PTGER2: variants seen among roughly 807,000 people sequenced by gnomAD.
The protein encoded by PTGER2 is prostaglandin E receptor 2.
In PTGER2, 22 loss-of-function variants were observed where a neutral mutation model predicts 26.2. The ratio of observed to expected loss-of-function variants is 0.84; its 90% CI spans 0.60 to 1.20. PTGER2 has a LOEUF of 1.20. Ranked by LOEUF, PTGER2 falls within the 50% of genes most tolerant of loss-of-function variation. PTGER2 has a pLI of 0.00. For missense variants in PTGER2, 458 were observed against 475.2 expected, an observed-to-expected ratio of 0.96 and a Z score of 0.34; for synonymous variants, 219 against 208.9, an observed-to-expected ratio of 1.05 and a Z score of -0.42.
rs2033958372 is a variant in PTGER2 at position 52,327,123 on chromosome 14, T to A, written c.844-98T>A. On this transcript the variant is annotated intron_variant, in intron 1 of 1. Coordinates refer to ENST00000245457, the MANE Select transcript of PTGER2 (RefSeq NM_000956.4). ...CCCCACCACTACCACAGACAAAACA[T>A]GGTTTTGCTTTTAAATCTCAAGACA... is the stretch of plus-strand genomic sequence containing the variant. 3.5e-6 allele frequency: 3 copies of A among 868,268 alleles called. No individual in the cohort carries two copies. The Admixed American group carries it at 8.3e-5, about 24-fold the overall frequency. The allele number at this position is 868,268 out of a possible 1,614,324, so 53.8% of individuals were successfully genotyped here.
At chr14:52,325,917 A>G (rs1477482236) in intron 1 of PTGER2, among the ~76,000 whole-genome samples, 1 of 152,224 alleles carries the variant, frequency 6.6e-6, no homozygotes, top group Non-Finnish European at 1.5e-5. Flanking sequence ...TACTCAGAGA[A>G]GGGAAACAAG....
chr14:52,324,202 GAC>G (rs1287576725), intron 1 of PTGER2, among the ~76,000 whole-genome samples: 1 of 152,148 alleles, frequency 6.6e-6, no homozygotes, highest in Non-Finnish European at 1.5e-5. Flanking sequence ...AGACATGGTG[GAC>G]CACTCAGGGC....
chr14:52,323,566 T>G, intron 1 of PTGER2, among the ~76,000 whole-genome samples: 1 of 152,182 alleles, frequency 6.6e-6, no homozygotes, highest in South Asian at 2.1e-4. Context: ...TTTTTAAAGC[T>G]CCTCAGGTGA....
chr14:52,318,868 T>A (rs1594636959), intron 1 of PTGER2, among the ~76,000 whole-genome samples: 1 of 152,376 alleles, frequency 6.6e-6, no homozygotes, highest in East Asian at 1.9e-4. Flanking sequence ...TATGTCATTA[T>A]TATCGACCAC....
At chr14:52,323,611 T>C (rs1313672874) in intron 1 of PTGER2, among the ~76,000 whole-genome samples, 1 of 152,214 alleles carries the variant, frequency 6.6e-6, no homozygotes, top group African/African-American at 2.4e-5. Context: ...CCTCATTTGC[T>C]CTAAAATTCT....
At position 52,314,652 on chromosome 14, in the gene PTGER2, G is replaced by C. The variant is rs2033813844; in HGVS notation, c.104G>C (p.Gly35Ala). 6.6e-7 allele frequency: 1 copy of C among 1,516,920 alleles called. No individual in the cohort carries two copies. The highest frequency in any genetic ancestry group is 1.3e-5 in the South Asian group (1 of 75,688). 94.0% of individuals were successfully genotyped at this position (1,516,920 alleles called of 1,614,324 possible). Residue 35 changes from glycine (G) to alanine (A), a missense_variant, in exon 1 of 2, where the codon GGG becomes GCG. By Grantham distance (60) the Gly-to-Ala change is moderately conservative. Transcript: ENST00000245457. This position sits in a 1 kb window ranked among gnomAD's most constrained non-coding sequence, Gnocchi z 5.7. ...PAISSVMFSA[G>A]VLGNLIALAL... ...ATCAGCTCCGTCATGTTCTCGGCCGGGGTGCTGGGGAACCTCATAGCACTG... is the reference window on the plus strand; with the variant it reads ...ATCAGCTCCGTCATGTTCTCGGCCGCGGTGCTGGGGAACCTCATAGCACTG...
chr14:52,314,633 T>C lies in PTGER2; in HGVS notation c.85T>C (p.Ser29Pro). 1 of 1,514,148 alleles carries C rather than the reference T, an allele frequency of 6.6e-7. No individual in the cohort carries two copies. The highest frequency in any genetic ancestry group is 8.8e-7 in the Non-Finnish European group (1 of 1,130,928). The allele number at this position is 1,514,148 out of a possible 1,614,324, so 93.8% of individuals were successfully genotyped here. ...CCCAGGCGAAAGCCCAGCCATCAGCTCCGTCATGTTCTCGGCCGGGGTGCT... is the reference window on the plus strand; with the variant it reads ...CCCAGGCGAAAGCCCAGCCATCAGCCCCGTCATGTTCTCGGCCGGGGTGCT... ...LPPGESPAIS[S>P]VMFSAGVLGN... The change falls in exon 1 of 2, where the codon TCC becomes CCC. Residue 29 changes from serine to proline, a missense_variant. Coordinates refer to ENST00000245457, the MANE Select transcript of PTGER2 (RefSeq NM_000956.4). This position sits in a 1 kb window ranked among gnomAD's most constrained non-coding sequence, Gnocchi z 5.7.
chr14:52,314,600 T>C lies in PTGER2; in HGVS notation c.52T>C (p.Trp18Arg), dbSNP rs770164807. 15 of 1,509,754 alleles carry C rather than the reference T, an allele frequency of 9.9e-6. No individual in the cohort carries two copies. Among genetic ancestry groups the C allele is most frequent in the Middle Eastern group, 1.8e-4 (1 of 5,562 alleles). 93.5% of individuals were successfully genotyped at this position (1,509,754 alleles called of 1,614,324 possible). ...SQSEDCETRQWLPPGESPAIS... is the reference protein window; with the variant it reads ...SQSEDCETRQRLPPGESPAIS... ...GTCTGAGGACTGCGAGACGCGACAG[T>C]GGCTTCCCCCAGGCGAAAGCCCAGC... is the stretch of plus-strand genomic sequence containing the variant. Residue 18 changes from tryptophan to arginine, a missense_variant, in exon 1 of 2, where the codon TGG (tryptophan) becomes CGG (arginine). Transcript: ENST00000245457. This position sits in a 1 kb window ranked among gnomAD's most constrained non-coding sequence, Gnocchi z 5.7.
At chr14:52,316,260 A>G (rs1566494992) in intron 1 of PTGER2, among the ~76,000 whole-genome samples, 2 of 152,228 alleles carry the variant, frequency 1.3e-5, no homozygotes, top group Non-Finnish European at 2.9e-5. Context: ...ACTGAAGGAC[A>G]AGAGACCAAG....
rs1003836870 is a variant in PTGER2 at position 52,314,885 on chromosome 14, G to A, written c.337G>A (p.Ala113Thr). The change falls in exon 1 of 2, where the codon GCT becomes ACT. Residue 113 changes from alanine to threonine, a missense_variant. By Grantham distance (58) the Ala-to-Thr change is moderately conservative. Transcript: ENST00000245457. The surrounding 1 kb of genome is among the most constrained non-coding windows in gnomAD (Gnocchi z 5.7). The stretch of plus-strand genomic sequence containing the variant: ...CGAGAGCCGCGCGTGCACCTACTTC[G>A]CTTTCGCCATGACCTTCTTCAGCCT... Reference protein sequence around the residue: ...APESRACTYFAFAMTFFSLAT... With the variant: ...APESRACTYFTFAMTFFSLAT... 1.2e-6 allele frequency: 2 copies of A among 1,613,036 alleles called. No individual in the cohort carries two copies. The highest frequency in any genetic ancestry group is 1.7e-6 in the Non-Finnish European group (2 of 1,179,950).
chr14:52,321,473 T>C (rs1006836816), intron 1 of PTGER2, among the ~76,000 whole-genome samples: 1 of 151,774 alleles, frequency 6.6e-6, no homozygotes, highest in Non-Finnish European at 1.5e-5. Context: ...CATAAACTTT[T>C]GAAGAGAAAT....
In PTGER2 at chr14:52,314,915, A is replaced by G. The variant is rs747025131; in HGVS notation, c.367A>G (p.Thr123Ala). 3 of 1,612,682 alleles carry G rather than the reference A, an allele frequency of 1.9e-6. No homozygotes were observed. The East Asian group carries it at 6.7e-5, about 36-fold the overall frequency. Reference protein sequence around the residue: ...AFAMTFFSLATMLMLFAMALE... With the variant: ...AFAMTFFSLAAMLMLFAMALE... ...CGCCATGACCTTCTTCAGCCTGGCC[A>G]CGATGCTCATGCTCTTCGCCATGGC... Residue 123 changes from threonine to alanine, a missense_variant, in exon 1 of 2, where the codon ACG becomes GCG. Transcript: ENST00000245457. The surrounding 1 kb of genome is among the most constrained non-coding windows in gnomAD (Gnocchi z 5.7).
chr14:52,315,938 G>C (rs2033836639), intron 1 of PTGER2, among the ~76,000 whole-genome samples: 1 of 152,250 alleles, frequency 6.6e-6, no homozygotes, highest in African/African-American at 2.4e-5. Context: ...CCCTGAAGCA[G>C]AAGTTTAGAG....
chr14:52,320,379 A>G (rs956280144), intron 1 of PTGER2, among the ~76,000 whole-genome samples: 5 of 152,242 alleles, frequency 3.3e-5, no homozygotes, highest in African/African-American at 4.8e-5. Flanking sequence ...TTTGTGCATT[A>G]TGTCCACACC....
chr14:52,325,272 A>G lies in PTGER2; in HGVS notation c.844-1949A>G, dbSNP rs899363370. ...AGAATTGCTTCATCCTCTACAACCAATTTTCACTTCTCATTATTCTGTCAC... is the reference window on the plus strand; with the variant it reads ...AGAATTGCTTCATCCTCTACAACCAGTTTTCACTTCTCATTATTCTGTCAC... On this transcript the variant is annotated intron_variant, in intron 1 of 1. Coordinates refer to ENST00000245457, the MANE Select transcript of PTGER2 (RefSeq NM_000956.4). Among the ~76,000 whole-genome samples the G allele has an allele frequency of 7.2e-5, 11 of 151,960 alleles. No homozygotes were observed. The East Asian group carries it at 2.1e-3, about 29-fold the overall frequency.
Position 52,315,235 on chromosome 14 carries a change from C to T in PTGER2, c.687C>T (p.Ser229=). The T allele has an allele frequency of 6.2e-7, 1 of 1,612,252 alleles. No homozygotes were observed. Residue 229 remains serine, a synonymous_variant, in exon 1 of 2, where the codon AGC becomes AGT. Transcript: ENST00000245457. ...ILNLIRMHRR[S]RRSRCGPSLG... is the part of the protein sequence containing the mutation. ...ACCTCATCCGCATGCACCGCCGAAG[C>T]CGGAGAAGCCGCTGCGGACCTTCCC...
At chr14:52,324,663 A>G (rs2033930860) in intron 1 of PTGER2, among the ~76,000 whole-genome samples, 1 of 152,274 alleles carries the variant, frequency 6.6e-6, no homozygotes, top group South Asian at 2.1e-4. Flanking sequence ...AAATGGCAAA[A>G]TGGTAAATTT....
At chr14:52,318,961 G>T (rs189734943) in intron 1 of PTGER2, among the ~76,000 whole-genome samples, 1 of 152,102 alleles carries the variant, frequency 6.6e-6, no homozygotes, top group South Asian at 2.1e-4. Flanking sequence ...GATTTCTATC[G>T]TACAGACGAG....
intron 1 of PTGER2, among the ~76,000 whole-genome samples, chr14:52,324,322 A>T (rs1273172): frequency 6.6e-6 from 1 of 152,210 alleles, no homozygotes; most frequent in Non-Finnish European, 1.5e-5. Context: ...GAGCAGGGTA[A>T]ACAGTTTAGG....
Sources: allele counts gnomAD v4.1 joint callset (sites outside exome capture counted in the v4.1 genomes callset), GRCh38; gene constraint gnomAD v4.1.1; non-coding constraint Gnocchi (gnomAD v3.1); transcripts MANE v1.5; gene names NCBI Gene and HGNC (gene_info 2026-07-23, HGNC 2026-07-21).